Variants in RETREG1 observed in about 807,000 individuals in gnomAD.
RETREG1 encodes family with sequence similarity 134 member B.
RETREG1 carries 44 observed loss-of-function variants against 54.8 expected under a neutral mutation model. That is an observed-to-expected ratio of 0.80 (90% CI 0.63 to 1.03). The LOEUF is 1.03. Ranked by LOEUF, RETREG1 falls within the 50% of genes least tolerant of loss-of-function variation. RETREG1 has a pLI of 0.00. For synonymous variants in RETREG1, 217 were observed against 238.5 expected (o/e 0.91, Z 0.83); for missense variants, 554 against 605.1 (o/e 0.92, Z 0.89).
chr5:16,481,056 G>A lies in RETREG1; in HGVS notation c.623C>T (p.Thr208Met), dbSNP rs369276135. The A allele has an allele frequency of 1.4e-5, 23 of 1,611,470 alleles. No individual in the cohort carries two copies. In the East Asian group the frequency reaches 1.6e-4, roughly 11 times the overall value. ...CCCAGGAATGTAACTTCCCAAGATC[G>A]TAAAAAATGTGCACACACTACAGAC... ...LLVCSVCTFF[T>M]ILGSYIPGVI... Residue 208 changes from threonine (T) to methionine (M), a missense_variant, in exon 5 of 9, where the codon ACG becomes ATG. Transcript: ENST00000306320.
chr5:16,553,753 C>A (rs1262712075), intron 3 of RETREG1, among the ~76,000 whole-genome samples: 1 of 151,950 alleles, frequency 6.6e-6, no homozygotes, highest in Non-Finnish European at 1.5e-5. Flanking sequence ...CATGTATATT[C>A]ATTTTATTAT....
intron 3 of RETREG1, among the ~76,000 whole-genome samples, chr5:16,557,603 T>C (rs1053268627): frequency 6.6e-6 from 1 of 152,230 alleles, no homozygotes; most frequent in Non-Finnish European, 1.5e-5. Context: ...TTTGACTCTC[T>C]ATTGTGCAAT....
chr5:16,517,959 A>G (rs1207926118), intron 3 of RETREG1, among the ~76,000 whole-genome samples: 5 of 151,854 alleles, frequency 3.3e-5, no homozygotes, highest in African/African-American at 9.7e-5. Flanking sequence ...AAAAAGGATG[A>G]CATTGTTAGG....
At chr5:16,516,502 A>C (rs1004891915) in intron 3 of RETREG1, among the ~76,000 whole-genome samples, 1 of 152,252 alleles carries the variant, frequency 6.6e-6, no homozygotes, top group African/African-American at 2.4e-5. Context: ...TCCAAGAATC[A>C]GAATCGCTGG....
chr5:16,546,413 C>T (rs1026245845), intron 3 of RETREG1, among the ~76,000 whole-genome samples: 1 of 152,216 alleles, frequency 6.6e-6, no homozygotes, highest in Non-Finnish European at 1.5e-5. Flanking sequence ...AGCCATCCTC[C>T]TGCCTTGGCC....
At chr5:16,517,154 T>C (rs56125177) in intron 3 of RETREG1, among the ~76,000 whole-genome samples, 269 of 144,656 alleles carry the variant, frequency 1.9e-3, no homozygotes, top group African/African-American at 2.3e-3. Context: ...ATATATCTAA[T>C]AGGAGTCTTG....
intron 5 of RETREG1, 123 bp downstream of exon 5, chr5:16,480,886 A>G (rs1051618377): frequency 2.8e-6 from 2 of 712,254 alleles, no homozygotes; most frequent in South Asian, 1.5e-5. Context: ...GCAGGAGATT[A>G]AAGAATAATC....
intron 3 of RETREG1, among the ~76,000 whole-genome samples, chr5:16,486,991 A>G (rs1216185165): frequency 6.6e-6 from 1 of 152,210 alleles, no homozygotes; most frequent in Non-Finnish European, 1.5e-5. Flanking sequence ...TGGAAAACAC[A>G]TAACTAGAAA....
intron 1 of RETREG1, among the ~76,000 whole-genome samples, chr5:16,607,880 T>C: frequency 6.6e-6 from 1 of 151,308 alleles, no homozygotes; most frequent in Admixed American, 6.6e-5. Flanking sequence ...ACTGTTTTTA[T>C]TTTTTATTTA....
chr5:16,552,149 C>A (rs112635056), intron 3 of RETREG1, among the ~76,000 whole-genome samples: 5,376 of 152,230 alleles, frequency 0.035, 282 homozygotes, highest in African/African-American at 0.12. Context: ...TTCAGCCTGC[C>A]CCAAACACAC....
chr5:16,508,465 T>C, intron 3 of RETREG1: 1 of 1,056,362 alleles, frequency 9.5e-7, no homozygotes, highest in Non-Finnish European at 1.4e-6. Context: ...GACTGCATTC[T>C]TCATATTTTT....
chr5:16,573,090 G>A (rs1213881473), intron 1 of RETREG1, among the ~76,000 whole-genome samples: 4 of 143,992 alleles, frequency 2.8e-5, no homozygotes, highest in Admixed American at 2.2e-4. Context: ...TCTGAAGCAG[G>A]AGAATCACTT....
rs79005315 is a variant in RETREG1 at position 16,528,360 on chromosome 5, T to C, written c.458+37403A>G. Among the ~76,000 whole-genome samples, 1,493 of 152,298 alleles carry C rather than the reference T, an allele frequency of 9.8e-3. 22 individuals are homozygous for C. Among genetic ancestry groups the C allele is most frequent in the African/African-American group, 0.033 (1,376 of 41,558 alleles). On this transcript the variant is annotated intron_variant, in intron 3 of 8. Transcript: ENST00000306320. ...CATGAGTAAAAAAAATATGACTCTT[T>C]AAATTTATATTCCTGGAAGCCTATA...
At chr5:16,510,815 CAACAAAA>C (rs1312931871) in intron 3 of RETREG1, among the ~76,000 whole-genome samples, 10 of 56,412 alleles carry the variant, frequency 1.8e-4, no homozygotes, top group African/African-American at 5.4e-4. Flanking sequence ...ACAACAACAA[CAACAAAA>C]AAAAAAAAAA....
chr5:16,590,299 G>A (rs959543737), intron 1 of RETREG1, among the ~76,000 whole-genome samples: 20 of 152,156 alleles, frequency 1.3e-4, no homozygotes, highest in African/African-American at 4.3e-4. Context: ...ACACACGACA[G>A]CAGCGCCTGC....
At chr5:16,501,241 A>C (rs1739697650) in intron 3 of RETREG1, among the ~76,000 whole-genome samples, 1 of 152,198 alleles carries the variant, frequency 6.6e-6, no homozygotes, top group African/African-American at 2.4e-5. Context: ...TTTGCTGATG[A>C]CAAAATGAAA....
In RETREG1 at chr5:16,525,541, G is replaced by A. The variant is rs79103804; in HGVS notation, c.458+40222C>T. On this transcript the variant is annotated intron_variant, in intron 3 of 8. Coordinates refer to ENST00000306320, the MANE Select transcript of RETREG1 (RefSeq NM_001034850.3). ...AAGGCTCCTCTTGAGCAAGTCAGCT[G>A]GGAAACAGGCTTAATCGGATGAGAT... Among the ~76,000 whole-genome samples the A allele has an allele frequency of 6.7e-3, 1,024 of 152,270 alleles. 11 individuals are homozygous for A. The highest frequency in any genetic ancestry group is 0.023 in the African/African-American group (962 of 41,552).
chr5:16,514,648 G>A lies in RETREG1; in HGVS notation c.459-31176C>T, dbSNP rs989310334. Among the ~76,000 whole-genome samples the A allele has an allele frequency of 1.1e-4, 17 of 151,728 alleles. 1 individual carries two copies. The highest frequency in any genetic ancestry group is 4.6e-4 in the Admixed American group (7 of 15,232). ...TACCCATCACCTGAGCAGTTTATAC[G>A]GTACCCAGTGTGCAGTCTTTTATCC... is the stretch of plus-strand genomic sequence containing the variant. On this transcript the variant is annotated intron_variant, in intron 3 of 8. Coordinates refer to ENST00000306320, the MANE Select transcript of RETREG1 (RefSeq NM_001034850.3).
intron 3 of RETREG1, among the ~76,000 whole-genome samples, chr5:16,549,645 T>C (rs1269818462): frequency 6.6e-6 from 1 of 152,202 alleles, no homozygotes; most frequent in Non-Finnish European, 1.5e-5. Flanking sequence ...GGAAGCAAGA[T>C]TATTTCATCC....
Sources: gnomAD v4.1 joint callset for allele counts (sites outside exome capture counted in the v4.1 genomes callset) on GRCh38, gnomAD v4.1.1 for gene constraint, MANE v1.5 for transcripts, NCBI Gene and HGNC (gene_info 2026-07-23, HGNC 2026-07-21) for gene names.